The following GRIK4 variants were observed in gnomAD, a reference collection of about 807,000 sequenced individuals.
The protein encoded by GRIK4 is glutamate receptor ionotropic, kainate 4.
A neutral mutation model predicts 104.9 loss-of-function variants in GRIK4; 40 were observed. That is an observed-to-expected ratio of 0.38 (90% CI 0.30 to 0.50). The LOEUF is 0.50. Among genes scored for constraint, GRIK4 ranks in the 20% least tolerant of loss-of-function variants. The pLI is 0.93. For synonymous variants in GRIK4, 485 were observed against 524.9 expected, an observed-to-expected ratio of 0.92 and a Z score of 1.04; for missense variants, 1,047 against 1,308.1, an observed-to-expected ratio of 0.80 and a Z score of 3.08.
chr11:120,672,359 T>C (rs1950033411), intron 3 of GRIK4, among the ~76,000 whole-genome samples: 1 of 151,970 alleles, frequency 6.6e-6, no homozygotes, highest in South Asian at 2.1e-4. Context: ...GAGGTTGCAG[T>C]GAGCCAGGAT....
At position 120,808,573 on chromosome 11, in the gene GRIK4, G is replaced by T. The variant is rs116124086; in HGVS notation, c.247+5716G>T. On this transcript the variant is annotated intron_variant, in intron 4 of 20. Coordinates refer to ENST00000527524, the MANE Select transcript of GRIK4 (RefSeq NM_014619.5). ...GACACCAGGGGGCCCGTCATGGGGCGTGGCACTCATGCCCTCACACACTTT... is the reference window on the plus strand; with the variant it reads ...GACACCAGGGGGCCCGTCATGGGGCTTGGCACTCATGCCCTCACACACTTT... Among the ~76,000 whole-genome samples, 504 of 152,324 alleles carry T rather than the reference G, an allele frequency of 3.3e-3. 2 individuals are homozygous for T. The highest frequency in any genetic ancestry group is 0.012 in the African/African-American group (489 of 41,570).
At chr11:120,709,177 A>C (rs548252980) in intron 3 of GRIK4, among the ~76,000 whole-genome samples, 27 of 152,048 alleles carry the variant, frequency 1.8e-4, no homozygotes, top group African/African-American at 6.5e-4. Context: ...ACTAAATCTC[A>C]AATGTCTGAA....
At chr11:120,981,823 C>T (rs963507516) in intron 19 of GRIK4, among the ~76,000 whole-genome samples, 15 of 152,282 alleles carry the variant, frequency 9.9e-5, no homozygotes, top group South Asian at 2.1e-4. Flanking sequence ...ATGGTCCTCA[C>T]CTCCCAGCCC....
At chr11:120,539,431 G>T (rs1175595495) in intron 1 of GRIK4, among the ~76,000 whole-genome samples, 1 of 152,198 alleles carries the variant, frequency 6.6e-6, no homozygotes, top group Non-Finnish European at 1.5e-5. Context: ...GTGCGAACAT[G>T]ATCTTATTTG....
At chr11:120,560,529 T>A (rs745535428) in intron 1 of GRIK4, among the ~76,000 whole-genome samples, 8 of 152,214 alleles carry the variant, frequency 5.3e-5, no homozygotes, top group Non-Finnish European at 1.2e-4. Flanking sequence ...TGTATATGTG[T>A]GTATATGGTA....
At chr11:120,580,806 G>A (rs539718153) in intron 1 of GRIK4, among the ~76,000 whole-genome samples, 1 of 152,174 alleles carries the variant, frequency 6.6e-6, no homozygotes, top group South Asian at 2.1e-4. Context: ...GGTTCTATAT[G>A]GTAAGTGTAT....
chr11:120,522,863 G>A (rs543773671), intron 1 of GRIK4, among the ~76,000 whole-genome samples: 54 of 152,284 alleles, frequency 3.5e-4, no homozygotes, highest in South Asian at 1.9e-3. Context: ...TGCGCTGAGG[G>A]TTGTCACACA....
chr11:120,539,900 A>G (rs778024606), intron 1 of GRIK4, among the ~76,000 whole-genome samples: 12 of 152,282 alleles, frequency 7.9e-5, no homozygotes, highest in Middle Eastern at 3.4e-3. Flanking sequence ...CACCAAATGC[A>G]ATGTTAAAAT....
intron 1 of GRIK4, among the ~76,000 whole-genome samples, chr11:120,578,831 C>A (rs1948524022): frequency 6.6e-6 from 1 of 152,216 alleles, no homozygotes; most frequent in Non-Finnish European, 1.5e-5. Flanking sequence ...CTTGGCTCAT[C>A]TCCACAAATA....
intron 3 of GRIK4, among the ~76,000 whole-genome samples, chr11:120,781,589 C>G (rs938687782): frequency 2.0e-5 from 3 of 152,116 alleles, no homozygotes; most frequent in Non-Finnish European, 2.9e-5. Flanking sequence ...TGAGCTTAAG[C>G]AGTCCTCCCA....
intron 7 of GRIK4, among the ~76,000 whole-genome samples, chr11:120,836,038 A>G (rs367966450): frequency 4.7e-4 from 72 of 152,268 alleles, no homozygotes; most frequent in African/African-American, 1.7e-3. Flanking sequence ...AGATTCAAGA[A>G]TACCCTTATG....
intron 3 of GRIK4, among the ~76,000 whole-genome samples, chr11:120,673,019 T>C (rs1950045500): frequency 6.6e-6 from 1 of 152,352 alleles, no homozygotes; most frequent in African/African-American, 2.4e-5. Flanking sequence ...TCAAAGGGTA[T>C]GCTCCCAGCT....
intron 3 of GRIK4, among the ~76,000 whole-genome samples, chr11:120,667,809 AAC>A (rs1482430999): frequency 1.3e-5 from 2 of 152,348 alleles, no homozygotes; most frequent in East Asian, 1.9e-4. Flanking sequence ...CGCAGTGGCA[AAC>A]ACAGTCCTAT....
At chr11:120,770,460 C>A (rs541078704) in intron 3 of GRIK4, among the ~76,000 whole-genome samples, 1 of 152,356 alleles carries the variant, frequency 6.6e-6, no homozygotes, top group South Asian at 2.1e-4. Context: ...CAGGCCCTGT[C>A]TCTTCTCTGA....
chr11:120,694,281 G>T (rs1217213313), intron 3 of GRIK4, among the ~76,000 whole-genome samples: 1 of 152,188 alleles, frequency 6.6e-6, no homozygotes, highest in Non-Finnish European at 1.5e-5. Context: ...AGGTACCTTG[G>T]TCTGAGTCTT....
intron 3 of GRIK4, among the ~76,000 whole-genome samples, chr11:120,747,969 T>A (rs1951475317): frequency 6.6e-6 from 1 of 152,236 alleles, no homozygotes. Context: ...CCCAAGCCCA[T>A]GATCCAGCAA....
intron 2 of GRIK4, among the ~76,000 whole-genome samples, chr11:120,659,329 C>T (rs1284113123): frequency 1.3e-5 from 2 of 152,268 alleles, no homozygotes; most frequent in Admixed American, 6.5e-5. Context: ...TGGAAAGCAG[C>T]TGATAACCTG....
At chr11:120,892,783 C>T (rs1955342735) in intron 11 of GRIK4, among the ~76,000 whole-genome samples, 1 of 152,146 alleles carries the variant, frequency 6.6e-6, no homozygotes. Flanking sequence ...ATGGGTAGCC[C>T]CTACTGATGC....
chr11:120,897,992 G>A (rs1178816531), intron 11 of GRIK4, among the ~76,000 whole-genome samples: 2 of 152,104 alleles, frequency 1.3e-5, no homozygotes, highest in Non-Finnish European at 2.9e-5. Flanking sequence ...TGAAAGATGT[G>A]AATAACTTGC....
Sources: gnomAD v4.1 joint callset for allele counts (sites outside exome capture counted in the v4.1 genomes callset) on GRCh38, gnomAD v4.1.1 for gene constraint, MANE v1.5 for transcripts, NCBI Gene and HGNC (gene_info 2026-07-23, HGNC 2026-07-21) for gene names.